Variants in DPP10 observed in about 807,000 individuals in gnomAD.
DPP10 encodes dipeptidyl peptidase like 10, also known as inactive dipeptidyl peptidase 10.
Under a neutral mutation model 120.9 loss-of-function variants are expected in DPP10, and 33 were observed. The observed-to-expected ratio is 0.27, with a 90% CI of 0.21 to 0.37. The LOEUF is 0.37. Ranked by LOEUF, DPP10 falls within the 10% of genes least tolerant of loss-of-function variation. DPP10 has a pLI of 1.00. For synonymous variants in DPP10, 337 were observed against 326.1 expected, an observed-to-expected ratio of 1.03 and a Z score of -0.36; for missense variants, 816 against 942.8, an observed-to-expected ratio of 0.87 and a Z score of 1.76.
chr2:115,329,599 A>G (rs1449441345), intron 2 of DPP10, among the ~76,000 whole-genome samples: 2 of 151,960 alleles, frequency 1.3e-5, no homozygotes, highest in Non-Finnish European at 2.9e-5. Flanking sequence ...CCCCTACCCA[A>G]TGACAGGCCC....
chr2:115,756,544 C>A (rs985417364), intron 11 of DPP10, among the ~76,000 whole-genome samples: 1 of 151,648 alleles, frequency 6.6e-6, no homozygotes, highest in Non-Finnish European at 1.5e-5. Context: ...AATTTTACAT[C>A]AATTAAAGAT....
intron 1 of DPP10, among the ~76,000 whole-genome samples, chr2:114,952,617 G>C (rs563587033): frequency 6.6e-6 from 1 of 152,276 alleles, no homozygotes; most frequent in East Asian, 1.9e-4. Context: ...CCTAAATATA[G>C]TCCTAAGGCT....
chr2:114,900,373 C>T (rs952975241), intron 1 of DPP10, among the ~76,000 whole-genome samples: 1 of 152,172 alleles, frequency 6.6e-6, no homozygotes, highest in Admixed American at 6.5e-5. Flanking sequence ...TATGAGTAAA[C>T]CAGTGGCTCC....
intron 1 of DPP10, among the ~76,000 whole-genome samples, chr2:114,552,455 G>C (rs76749275): frequency 0.011 from 1,739 of 152,274 alleles, 38 homozygotes; most frequent in African/African-American, 0.04. Flanking sequence ...TGGCACTTAG[G>C]GTTGTAGTAA....
chr2:115,073,732 ATAAAG>A (rs761449100), intron 1 of DPP10, among the ~76,000 whole-genome samples: 2 of 152,236 alleles, frequency 1.3e-5, no homozygotes, highest in African/African-American at 4.8e-5. Flanking sequence ...TCCTCACTCT[ATAAAG>A]TAGAGTGATT....
chr2:114,899,135 T>C (rs1290146414), intron 1 of DPP10, among the ~76,000 whole-genome samples: 1 of 151,830 alleles, frequency 6.6e-6, no homozygotes, highest in African/African-American at 2.4e-5. Context: ...CTAAGGAAGG[T>C]TGTCACATTA....
chr2:114,523,504 T>C (rs1407206964), intron 1 of DPP10, among the ~76,000 whole-genome samples: 1 of 152,194 alleles, frequency 6.6e-6, no homozygotes, highest in East Asian at 1.9e-4. Context: ...GATGTTAGCT[T>C]TCCCTGTCAC....
intron 1 of DPP10, among the ~76,000 whole-genome samples, chr2:115,247,231 GT>G (rs943307018): frequency 6.6e-6 from 1 of 151,974 alleles, no homozygotes; most frequent in Non-Finnish European, 1.5e-5. Context: ...AGGATCTACT[GT>G]TTTTTTACAG....
chr2:114,731,651 AACTG>A (rs980409728), intron 1 of DPP10, among the ~76,000 whole-genome samples: 58 of 152,216 alleles, frequency 3.8e-4, no homozygotes, highest in African/African-American at 1.2e-3. Context: ...TCTGTAGGAG[AACTG>A]ACTGGGAAAT....
intron 1 of DPP10, among the ~76,000 whole-genome samples, chr2:114,714,581 A>G (rs1475713158): frequency 9.9e-5 from 15 of 152,146 alleles, no homozygotes. Flanking sequence ...TTCTTGGCCC[A>G]AAAACCTGGT....
chr2:114,995,254 G>T (rs1189399472), intron 1 of DPP10, among the ~76,000 whole-genome samples: 2 of 152,172 alleles, frequency 1.3e-5, no homozygotes, highest in African/African-American at 4.8e-5. Context: ...CATTATACTT[G>T]TTGTGGCAAT....
intron 1 of DPP10, among the ~76,000 whole-genome samples, chr2:114,516,187 C>A (rs538336662): frequency 3.3e-5 from 5 of 152,250 alleles, no homozygotes; most frequent in Admixed American, 3.3e-4. Context: ...AAGAGAGTCC[C>A]TAGAACTGTT....
intron 3 of DPP10, among the ~76,000 whole-genome samples, chr2:115,435,550 AT>A: frequency 6.6e-6 from 1 of 151,038 alleles, no homozygotes; most frequent in East Asian, 1.9e-4. Context: ...ATTATTATTG[AT>A]TTTTTTTGCT....
chr2:115,622,829 C>CTTTTTTTTTTTTTTTTTTTTTTT (rs765780452), intron 5 of DPP10, among the ~76,000 whole-genome samples: 1 of 128,334 alleles, frequency 7.8e-6, no homozygotes, highest in Non-Finnish European at 1.6e-5. Context: ...TTCGTTTATT[C>CTTTTTTTTTTTTTTTTTTTTTTT]TTTTTTTTTT....
At chr2:114,485,759 C>T (rs76682034) in intron 1 of DPP10, among the ~76,000 whole-genome samples, 2,992 of 152,158 alleles carry the variant, frequency 0.02, 101 homozygotes, top group African/African-American at 0.068. Flanking sequence ...TCTGTGTTGT[C>T]CTGCCTTGCA....
intron 1 of DPP10, among the ~76,000 whole-genome samples, chr2:114,733,168 A>T (rs1334707801): frequency 6.6e-6 from 1 of 152,210 alleles, no homozygotes; most frequent in African/African-American, 2.4e-5. Flanking sequence ...GCTCAAGATC[A>T]TTACTAATTT....
intron 1 of DPP10, among the ~76,000 whole-genome samples, chr2:114,960,552 G>T (rs1313254831): frequency 6.6e-6 from 1 of 151,938 alleles, no homozygotes; most frequent in Non-Finnish European, 1.5e-5. Flanking sequence ...CCTGGAACAT[G>T]AAAAAACTAA....
chr2:114,691,703 C>T (rs1322096115), intron 1 of DPP10, among the ~76,000 whole-genome samples: 2 of 152,066 alleles, frequency 1.3e-5, no homozygotes, highest in African/African-American at 4.8e-5. Context: ...GTGAATCTGT[C>T]TAGTCCTGGG....
intron 1 of DPP10, among the ~76,000 whole-genome samples, chr2:114,834,921 A>G (rs1687564963): frequency 6.7e-6 from 1 of 149,448 alleles, no homozygotes; most frequent in Non-Finnish European, 1.5e-5. Flanking sequence ...ACCTATGTAT[A>G]TATAAGCCAT....
Sources: gnomAD v4.1 joint callset for allele counts (sites outside exome capture counted in the v4.1 genomes callset) on GRCh38, gnomAD v4.1.1 for gene constraint, MANE v1.5 for transcripts, NCBI Gene and HGNC (gene_info 2026-07-23, HGNC 2026-07-21) for gene names.